The following MAMLD1 variants were observed in gnomAD, a reference collection of about 807,000 sequenced individuals.
MAMLD1 encodes the protein mastermind like domain containing 1, also known as mastermind-like domain-containing protein 1.
MAMLD1 carries 14 observed loss-of-function variants against 45.0 expected under a neutral mutation model. The observed-to-expected ratio is 0.31, with a 90% CI of 0.21 to 0.49. The LOEUF is 0.49. Ranked by LOEUF, MAMLD1 falls within the 20% of genes least tolerant of loss-of-function variation. The pLI is 0.99. For synonymous variants in MAMLD1, 254 were observed against 247.8 expected, an observed-to-expected ratio of 1.02 and a Z score of -0.24; for missense variants, 543 against 603.6, an observed-to-expected ratio of 0.90 and a Z score of 1.05.
intron 1 of MAMLD1, among the ~76,000 whole-genome samples, chrX:150,370,342 G>C (rs370187373): frequency 8.9e-6 from 1 of 111,809 alleles, no homozygotes; most frequent in African/African-American, 3.3e-5. Flanking sequence ...TCAGTACTTC[G>C]AGGAGGAAAA....
chrX:150,417,469 T>A (rs1221957771), intron 1 of MAMLD1, among the ~76,000 whole-genome samples: 1 of 109,001 alleles, frequency 9.2e-6, no homozygotes, highest in African/African-American at 3.4e-5. Flanking sequence ...GCAATAAACA[T>A]ACGTGTGCAT....
intron 5 of MAMLD1, among the ~76,000 whole-genome samples, chrX:150,482,361 G>A (rs1248037189): frequency 3.6e-5 from 4 of 112,073 alleles, no homozygotes; most frequent in African/African-American, 1.3e-4. Flanking sequence ...GGCTAGGGGA[G>A]GGAGGAAATT....
rs1319057732 is a variant in MAMLD1 at position 150,368,322 on chromosome X, A to AT, written c.-64+4798dup. ...TCTCTGATGGCCAGTGATGATGAGCATTTTTTCATGTGTCTGCTGGCTGCG... is the reference window on the plus strand; with the variant it reads ...TCTCTGATGGCCAGTGATGATGAGCATTTTTTTCATGTGTCTGCTGGCTGCG... On this transcript the variant is annotated intron_variant, in intron 1 of 7. Transcript: ENST00000370401. Among the ~76,000 whole-genome samples the AT allele has an allele frequency of 2.0e-3, 219 of 110,357 alleles. 5 individuals are homozygous for AT. The Admixed American group carries it at 0.021, about 10-fold the overall frequency.
chrX:150,380,333 G>A (rs1371628652), intron 1 of MAMLD1, among the ~76,000 whole-genome samples: 1 of 111,615 alleles, frequency 9.0e-6, no homozygotes, highest in Admixed American at 9.5e-5. Context: ...TTATGTGTGT[G>A]AATTATCTGT....
At chrX:150,414,978 C>A (rs1416869698) in intron 1 of MAMLD1, among the ~76,000 whole-genome samples, 1 of 111,733 alleles carries the variant, frequency 8.9e-6, no homozygotes, top group Non-Finnish European at 1.9e-5. Context: ...AGGCTTATAA[C>A]TGCATGCATG....
intron 1 of MAMLD1, among the ~76,000 whole-genome samples, chrX:150,363,922 C>G (rs1488867028): frequency 8.8e-6 from 1 of 113,280 alleles, no homozygotes; most frequent in East Asian, 2.8e-4. Context: ...CTGGGTGTCA[C>G]CGGCGACGGT....
At chrX:150,379,385 TTTTG>T (rs1193754268) in intron 1 of MAMLD1, among the ~76,000 whole-genome samples, 4 of 111,917 alleles carry the variant, frequency 3.6e-5, no homozygotes, top group Non-Finnish European at 5.6e-5. Flanking sequence ...TCAGAATTAT[TTTTG>T]TCTTTTCGTA....
At chrX:150,362,230 C>T (rs1036154995), upstream of MAMLD1, among the ~76,000 whole-genome samples, 5 of 111,349 alleles carry the variant, frequency 4.5e-5, no homozygotes, top group African/African-American at 1.6e-4. Context: ...GTGAGTGCCC[C>T]TCCCAGGGCG....
rs1557404762 is a variant in MAMLD1 at position 150,445,627 on chromosome X, C to T, written c.96+15C>T. On this transcript the variant is annotated intron_variant, in intron 2 of 7. Coordinates refer to ENST00000370401, the MANE Select transcript of MAMLD1 (RefSeq NM_005491.5). The stretch of plus-strand genomic sequence containing the variant: ...TCCAGGAATCGGTCAGACAATGGGC[C>T]ATGGGGGGAGGGGGGTATTTAATGC... 2.7e-6 allele frequency: 3 copies of T among 1,128,987 alleles called. No homozygotes were observed. In the South Asian group the frequency reaches 5.5e-5, roughly 21 times the overall value. The allele number at this position is 1,128,987 out of a possible 1,213,427, so 93.0% of individuals were successfully genotyped here.
intron 1 of MAMLD1, among the ~76,000 whole-genome samples, chrX:150,404,876 A>T (rs2033959716): frequency 8.9e-6 from 1 of 112,386 alleles, no homozygotes; most frequent in Admixed American, 9.4e-5. Context: ...ATTACTGAAT[A>T]GTATTCTATT....
chrX:150,481,931 T>TAAGAAAGAAAGAAAA (rs2036778732), intron 5 of MAMLD1, among the ~76,000 whole-genome samples: 1 of 48,701 alleles, frequency 2.1e-5, no homozygotes, highest in Non-Finnish European at 4.1e-5. Flanking sequence ...ACAGAGAAAG[T>TAAGAAAGAAAGAAAA]AAGAAAGAAA....
At chrX:150,496,696 G>A (rs1199721010) in intron 5 of MAMLD1, among the ~76,000 whole-genome samples, 1 of 111,919 alleles carries the variant, frequency 8.9e-6, no homozygotes, top group Non-Finnish European at 1.9e-5. Context: ...CCCCCAAGTA[G>A]CATGATGCCC....
At chrX:150,367,894 CT>C (rs1267695516) in intron 1 of MAMLD1, among the ~76,000 whole-genome samples, 12 of 111,485 alleles carry the variant, frequency 1.1e-4, no homozygotes, top group African/African-American at 3.6e-4. Context: ...TGAACTCATC[CT>C]TTTTTATGGC....
In MAMLD1 at chrX:150,371,783, T is replaced by C. The variant is rs193278970; in HGVS notation, c.-64+8253T>C. On this transcript the variant is annotated intron_variant, in intron 1 of 7. Coordinates refer to ENST00000370401, the MANE Select transcript of MAMLD1 (RefSeq NM_005491.5). ...CAGGACCCAGCTCTGCCTTCCTTTCTGTGGCTATGCCAGTCAGTTGACCAT... is the reference window on the plus strand; with the variant it reads ...CAGGACCCAGCTCTGCCTTCCTTTCCGTGGCTATGCCAGTCAGTTGACCAT... Among the ~76,000 whole-genome samples the C allele has an allele frequency of 3.3e-4, 37 of 111,958 alleles. 2 individuals carry two copies. The highest frequency in any genetic ancestry group is 1.1e-3 in the African/African-American group (34 of 30,818).
intron 1 of MAMLD1, among the ~76,000 whole-genome samples, chrX:150,398,138 A>G (rs1473029015): frequency 9.2e-6 from 1 of 108,536 alleles, no homozygotes; most frequent in Non-Finnish European, 1.9e-5. Flanking sequence ...ACACAGACTG[A>G]AGGGTAAAAT....
chrX:150,493,154 G>A (rs782028716), intron 5 of MAMLD1, among the ~76,000 whole-genome samples: 5 of 111,585 alleles, frequency 4.5e-5, no homozygotes, highest in South Asian at 3.8e-4. Context: ...CCTGAACCTC[G>A]GAAGGGTCGG....
intron 1 of MAMLD1, among the ~76,000 whole-genome samples, chrX:150,396,786 G>A (rs2033436132): frequency 8.9e-6 from 1 of 111,746 alleles, no homozygotes; most frequent in African/African-American, 3.3e-5. Context: ...CCTGTTGACA[G>A]TTCCATGTTG....
chrX:150,382,896 TTTTTA>T (rs2124478654), intron 1 of MAMLD1, among the ~76,000 whole-genome samples: 2 of 19,616 alleles, frequency 1.0e-4, no homozygotes, highest in South Asian at 1.0e-3. Context: ...TTTTTTTTTT[TTTTTA>T]TTTTTTATTT....
intron 2 of MAMLD1, among the ~76,000 whole-genome samples, chrX:150,456,040 G>T (rs782135644): frequency 9.0e-6 from 1 of 111,380 alleles, no homozygotes; most frequent in Admixed American, 9.5e-5. Context: ...AAATACAACC[G>T]TCCCTACAGG....
Sources: gnomAD v4.1 joint callset for allele counts (sites outside exome capture counted in the v4.1 genomes callset) on GRCh38, gnomAD v4.1.1 for gene constraint, MANE v1.5 for transcripts, NCBI Gene and HGNC (gene_info 2026-07-23, HGNC 2026-07-21) for gene names.